Variants in CCBE1 observed in about 807,000 individuals in gnomAD.
CCBE1 encodes collagen and calcium binding EGF domains 1.
In CCBE1, 37 loss-of-function variants were observed where a neutral mutation model predicts 50.0. The ratio of observed to expected loss-of-function variants is 0.74; its 90% CI spans 0.57 to 0.97. The LOEUF is 0.97. Ranked by LOEUF, CCBE1 falls within the 50% of genes least tolerant of loss-of-function variation. The probability of loss-of-function intolerance (pLI) is 0.00; values close to 1 mark genes in which losing one functional copy is unlikely to be tolerated. For synonymous variants in CCBE1, 234 were observed against 203.7 expected, an observed-to-expected ratio of 1.15 and a Z score of -1.27; for missense variants, 538 against 523.8, an observed-to-expected ratio of 1.03 and a Z score of -0.26.
intron 6 of CCBE1, among the ~76,000 whole-genome samples, chr18:59,449,555 G>A (rs1225651004): frequency 1.3e-5 from 2 of 151,054 alleles, no homozygotes; most frequent in African/African-American, 4.9e-5. Context: ...CCAGGAAGTG[G>A]AGGTTGCAGT....
At chr18:59,502,169 A>C (rs1913653792) in intron 2 of CCBE1, among the ~76,000 whole-genome samples, 1 of 152,008 alleles carries the variant, frequency 6.6e-6, no homozygotes, top group African/African-American at 2.4e-5. Context: ...GGGTCTGAGC[A>C]TGTCCTTTTC....
intron 2 of CCBE1, among the ~76,000 whole-genome samples, chr18:59,640,681 C>T (rs528583762): frequency 1.6e-4 from 25 of 152,120 alleles, no homozygotes; most frequent in East Asian, 3.9e-4. Context: ...AGAGCAAAAG[C>T]GGCTATCAAC....
chr18:59,676,513 A>C (rs2054505553), intron 2 of CCBE1, among the ~76,000 whole-genome samples: 1 of 152,228 alleles, frequency 6.6e-6, no homozygotes, highest in Non-Finnish European at 1.5e-5. Context: ...ACTAAGTATA[A>C]ATTAAATCAA....
chr18:59,685,975 A>G (rs995712964), intron 2 of CCBE1: 9 of 152,188 alleles, frequency 5.9e-5, no homozygotes, highest in Non-Finnish European at 8.8e-5. Flanking sequence ...AATCTCCCCA[A>G]ATTTGGCACC....
At chr18:59,480,163 A>G in intron 3 of CCBE1, 23 bp downstream of exon 3, 1 of 1,459,688 alleles carries the variant, frequency 6.9e-7, no homozygotes, top group Non-Finnish European at 9.6e-7. Flanking sequence ...AAAGTCAGAC[A>G]ATATCTTTTT....
At chr18:59,613,716 T>C (rs755521438) in intron 2 of CCBE1, among the ~76,000 whole-genome samples, 3 of 151,898 alleles carry the variant, frequency 2.0e-5, no homozygotes, top group Admixed American at 1.3e-4. Flanking sequence ...CTGGGCAACA[T>C]AGTGAGACCC....
chr18:59,490,396 T>G (rs572691700), intron 2 of CCBE1, among the ~76,000 whole-genome samples: 1 of 151,972 alleles, frequency 6.6e-6, no homozygotes, highest in South Asian at 2.1e-4. Flanking sequence ...CCTTTTTTTT[T>G]TTTTGCATAT....
intron 2 of CCBE1, among the ~76,000 whole-genome samples, chr18:59,634,152 T>C (rs1031307316): frequency 1.1e-4 from 17 of 152,192 alleles, no homozygotes; most frequent in Non-Finnish European, 2.2e-4. Context: ...TATAATCATT[T>C]TGCAAAATGG....
intron 2 of CCBE1, among the ~76,000 whole-genome samples, chr18:59,549,836 T>C (rs1447331509): frequency 2.0e-5 from 3 of 152,158 alleles, no homozygotes; most frequent in Non-Finnish European, 4.4e-5. Flanking sequence ...GGGTAAAGAG[T>C]ACAGCAATGT....
At chr18:59,674,244 G>C (rs2054469347) in intron 2 of CCBE1, among the ~76,000 whole-genome samples, 1 of 152,188 alleles carries the variant, frequency 6.6e-6, no homozygotes, top group African/African-American at 2.4e-5. Context: ...ATCAATGACA[G>C]ACTGGATAAA....
chr18:59,691,653 C>T (rs1028284020), intron 2 of CCBE1, among the ~76,000 whole-genome samples: 2 of 152,218 alleles, frequency 1.3e-5, no homozygotes, highest in Non-Finnish European at 2.9e-5. Context: ...ATCTGCCTGC[C>T]TTGGCCTCCC....
rs537092332 is a variant in CCBE1 at position 59,432,618 on chromosome 18, G to A, written c.*3290C>T. The A allele has an allele frequency of 2.0e-5, 3 of 152,280 alleles. No homozygotes were observed. The highest frequency in any genetic ancestry group is 4.8e-5 in the African/African-American group (2 of 41,572). 9.4% of individuals were successfully genotyped at this position (152,280 alleles called of 1,614,324 possible). On this transcript the variant is annotated 3_prime_UTR_variant, in exon 11 of 11. Coordinates refer to ENST00000439986, the MANE Select transcript of CCBE1 (RefSeq NM_133459.4). ...ACATATCAGTCTTGCAGTAGTCCAA[G>A]TTTTGAAAATCTGAGGATTAAAAAT...
intron 2 of CCBE1, among the ~76,000 whole-genome samples, chr18:59,489,444 C>T (rs531841138): frequency 2.0e-4 from 30 of 152,062 alleles, no homozygotes; most frequent in African/African-American, 7.0e-4. Context: ...GATGGACTCT[C>T]GCTCTGTTAC....
rs183332923 is a variant in CCBE1 at position 59,455,967 on chromosome 18, C to T, written c.554-1016G>A. ...GGGAAGTCGGGTAATGCGTGACCATCTCTTGTTCTTCCTGGCCCGTATACT... is the reference window on the plus strand; with the variant it reads ...GGGAAGTCGGGTAATGCGTGACCATTTCTTGTTCTTCCTGGCCCGTATACT... On this transcript the variant is annotated intron_variant, in intron 5 of 10. Transcript: ENST00000439986. Among the ~76,000 whole-genome samples the T allele has an allele frequency of 4.4e-3, 664 of 152,352 alleles. 4 individuals carry two copies. The highest frequency in any genetic ancestry group is 0.02 in the South Asian group (98 of 4,826).
chr18:59,594,375 G>T (rs1447274545), intron 2 of CCBE1, among the ~76,000 whole-genome samples: 1 of 152,172 alleles, frequency 6.6e-6, no homozygotes, highest in Non-Finnish European at 1.5e-5. Flanking sequence ...ATAGAATGAG[G>T]ATTGCCAGGG....
intron 2 of CCBE1, among the ~76,000 whole-genome samples, chr18:59,614,505 GC>G (rs1343641770): frequency 6.6e-6 from 1 of 152,166 alleles, no homozygotes; most frequent in Non-Finnish European, 1.5e-5. Flanking sequence ...CTTTTGGAGG[GC>G]ACTTTTCACT....
chr18:59,560,193 T>C (rs1438293132), intron 2 of CCBE1, among the ~76,000 whole-genome samples: 1 of 152,212 alleles, frequency 6.6e-6, no homozygotes, highest in African/African-American at 2.4e-5. Flanking sequence ...CCATTTGAAG[T>C]GGATGTGCAT....
At chr18:59,616,502 C>T (rs1850791353) in intron 2 of CCBE1, among the ~76,000 whole-genome samples, 1 of 152,186 alleles carries the variant, frequency 6.6e-6, no homozygotes, top group African/African-American at 2.4e-5. Flanking sequence ...GAACATGCCT[C>T]CCCAAGGAGG....
intron 2 of CCBE1, among the ~76,000 whole-genome samples, chr18:59,681,566 T>C (rs1332997001): frequency 6.6e-6 from 1 of 152,198 alleles, no homozygotes; most frequent in African/African-American, 2.4e-5. Context: ...TCTGCTATCC[T>C]ATGGCACAGC....
Sources: gnomAD v4.1 joint callset for allele counts (sites outside exome capture counted in the v4.1 genomes callset) on GRCh38, gnomAD v4.1.1 for gene constraint, MANE v1.5 for transcripts, NCBI Gene and HGNC (gene_info 2026-07-23, HGNC 2026-07-21) for gene names.